LZTFL1: variants seen among roughly 807,000 people sequenced by gnomAD.
LZTFL1 encodes the protein leucine zipper transcription factor like 1.
A neutral mutation model predicts 45.9 loss-of-function variants in LZTFL1; 25 were observed. The observed-to-expected ratio is 0.54, with a 90% confidence interval of 0.40 to 0.76. The LOEUF (loss-of-function observed/expected upper bound fraction) is 0.76. LZTFL1 is among the 30% of genes least tolerant of loss of function. The pLI is 0.00. For synonymous variants in LZTFL1, 93 were observed against 117.4 expected (o/e 0.79, Z 1.35); for missense variants, 277 against 331.1 (o/e 0.84, Z 1.27).
At chr3:45,851,547 A>G (rs1394524983) in intron 4 of LZTFL1, among the ~76,000 whole-genome samples, 1 of 151,410 alleles carries the variant, frequency 6.6e-6, no homozygotes, top group East Asian at 2.0e-4. Context: ...CGAAACTTCT[A>G]TTTTCTTCTA....
intron 2 of LZTFL1, chr3:45,902,211 C>T (rs200911894): frequency 3.9e-6 from 1 of 258,008 alleles, no homozygotes; most frequent in African/African-American, 2.2e-5. Context: ...CTGGAGGAGC[C>T]CTTGGATTTT....
At chr3:45,905,808 C>G (rs923088178) in intron 2 of LZTFL1, among the ~76,000 whole-genome samples, 1 of 152,198 alleles carries the variant, frequency 6.6e-6, no homozygotes, top group Non-Finnish European at 1.5e-5. Flanking sequence ...GGCTGTCACA[C>G]GTCACCATTT....
chr3:45,846,825 C>T (rs1391728176), upstream of LZTFL1, among the ~76,000 whole-genome samples: 5 of 151,398 alleles, frequency 3.3e-5, no homozygotes, highest in African/African-American at 1.2e-4. Context: ...AAGGCACACT[C>T]GGTGTAACTT....
chr3:45,862,560 G>A (rs1701508117), intron 2 of LZTFL1, among the ~76,000 whole-genome samples: 2 of 152,184 alleles, frequency 1.3e-5, no homozygotes, highest in South Asian at 2.1e-4. Flanking sequence ...CAACCCTCGC[G>A]GGGAAACAGT....
intron 1 of LZTFL1, among the ~76,000 whole-genome samples, chr3:45,838,423 C>G (rs1050868948): frequency 3.3e-5 from 5 of 152,194 alleles, no homozygotes; most frequent in Admixed American, 6.5e-5. Context: ...AAGGGCCCCA[C>G]GTCTCTACCT....
intron 2 of LZTFL1, among the ~76,000 whole-genome samples, chr3:45,874,902 A>T (rs895126732): frequency 2.6e-5 from 4 of 152,236 alleles, no homozygotes; most frequent in South Asian, 2.1e-4. Context: ...CACGTGGACC[A>T]GTGGTAACAT....
upstream of LZTFL1, chr3:45,842,280 G>A: frequency 3.4e-6 from 3 of 887,224 alleles, no homozygotes; most frequent in Non-Finnish European, 4.9e-6. Flanking sequence ...ACTTTTGGGA[G>A]CTGACTGCAG....
At chr3:45,831,038 A>G in intron 6 of LZTFL1, 35 bp downstream of exon 6, 1 of 1,602,622 alleles carries the variant, frequency 6.2e-7, no homozygotes, top group Admixed American at 1.7e-5. Context: ...ATCTGTAGGC[A>G]GTTCAATAAT....
At chr3:45,835,545 T>C in intron 3 of LZTFL1, 45 bp downstream of exon 3, 1 of 1,549,650 alleles carries the variant, frequency 6.5e-7, no homozygotes, top group East Asian at 2.2e-5. Flanking sequence ...TTTAAGATTA[T>C]GCTTGGGCCA....
chr3:45,841,504 G>T (rs1369267470), intron 1 of LZTFL1, among the ~76,000 whole-genome samples: 1 of 152,214 alleles, frequency 6.6e-6, no homozygotes, highest in Non-Finnish European at 1.5e-5. Context: ...AGCTGGATTC[G>T]TTCTCCCTGC....
chr3:45,903,539 G>A (rs745670604), intron 2 of LZTFL1, among the ~76,000 whole-genome samples: 5 of 152,234 alleles, frequency 3.3e-5, no homozygotes, highest in Non-Finnish European at 5.9e-5. Context: ...GGATCGCTGT[G>A]GTTTCCATTC....
chr3:45,877,591 T>A (rs886525622), intron 2 of LZTFL1, among the ~76,000 whole-genome samples: 1 of 152,130 alleles, frequency 6.6e-6, no homozygotes, highest in African/African-American at 2.4e-5. Context: ...GGAAGGCTGC[T>A]AGATATTGTT....
At position 45,888,644 on chromosome 3, in the gene LZTFL1, C is replaced by T. The variant is rs931078990; in HGVS notation, c.-215+24476G>A. Among the ~76,000 whole-genome samples, 10 of 152,270 alleles carry T rather than the reference C, an allele frequency of 6.6e-5. No homozygotes were observed. The South Asian group carries it at 8.3e-4, about 13-fold the overall frequency. ...AACTGCCCATCCACTCCCGACAGAC[C>T]GCTGAGATGGTCCTCACTCTCAGTA... On this transcript the variant is annotated intron_variant, in intron 2 of 4. Coordinates refer to the LZTFL1 transcript ENST00000472635.
intron 2 of LZTFL1, among the ~76,000 whole-genome samples, chr3:45,899,920 T>A (rs1022309564): frequency 6.6e-6 from 1 of 152,104 alleles, no homozygotes; most frequent in Admixed American, 6.5e-5. Context: ...GTAAGAAGTG[T>A]GTGTGTGTAT....
intron 2 of LZTFL1, among the ~76,000 whole-genome samples, chr3:45,903,560 C>T (rs1211170863): frequency 3.3e-5 from 5 of 152,220 alleles, no homozygotes; most frequent in African/African-American, 1.2e-4. Flanking sequence ...CAACGCCATC[C>T]CTTTCCAAAG....
At chr3:45,879,625 C>T (rs1701816319) in intron 2 of LZTFL1, among the ~76,000 whole-genome samples, 1 of 152,102 alleles carries the variant, frequency 6.6e-6, no homozygotes, top group Admixed American at 6.5e-5. Flanking sequence ...GTGTTCAATA[C>T]AAAGAGTGAA....
chr3:45,839,348 A>G (rs1701046764), intron 1 of LZTFL1, among the ~76,000 whole-genome samples: 1 of 152,144 alleles, frequency 6.6e-6, no homozygotes, highest in Non-Finnish European at 1.5e-5. Context: ...TCGGCCTCCC[A>G]AAGTGCTGGG....
intron 2 of LZTFL1, among the ~76,000 whole-genome samples, chr3:45,890,081 G>A (rs922046999): frequency 9.3e-5 from 14 of 149,746 alleles, no homozygotes; most frequent in African/African-American, 3.4e-4. Flanking sequence ...TCTTACCAAT[G>A]TCGTTACCAT....
At chr3:45,877,341 C>G (rs1484913884) in intron 2 of LZTFL1, among the ~76,000 whole-genome samples, 1 of 151,198 alleles carries the variant, frequency 6.6e-6, no homozygotes, top group Non-Finnish European at 1.5e-5. Context: ...TCAAGCAATT[C>G]TCCTGCCTCA....
Sources: gnomAD v4.1 joint callset for allele counts (sites outside exome capture counted in the v4.1 genomes callset) on GRCh38, gnomAD v4.1.1 for gene constraint, MANE v1.5 for transcripts, NCBI Gene and HGNC (gene_info 2026-07-23, HGNC 2026-07-21) for gene names.